NAALAD2: variants seen among roughly 807,000 people sequenced by gnomAD.
NAALAD2 encodes the protein N-acetylated-alpha-linked acidic dipeptidase 2.
A neutral mutation model predicts 95.6 loss-of-function variants in NAALAD2; 89 were observed. The ratio of observed to expected loss-of-function variants is 0.93; its 90% confidence interval spans 0.78 to 1.11. The LOEUF is 1.11. Among genes scored for constraint, NAALAD2 ranks in the 50% least tolerant of loss-of-function variants. The pLI, the probability that NAALAD2 is intolerant of heterozygous loss-of-function variation, is 0.00. For missense variants in NAALAD2, 894 were observed against 872.4 expected, an observed-to-expected ratio of 1.02 and a Z score of -0.31; for synonymous variants, 264 against 294.4, an observed-to-expected ratio of 0.90 and a Z score of 1.06.
rs1171081770 is a variant in NAALAD2, at chr11:90,134,797, C to T, written c.39C>T (p.Cys13=). ...GGGGCCGTCTGTACCTTTGGATGTG[C>T]TTGGCTGCTGCGCTGGCATCTTTCC... The part of the protein sequence containing the change: ...ESRGRLYLWM[C]LAAALASFLM... The change falls in exon 1 of 19, where the codon TGC becomes TGT. Residue 13 remains cysteine, a synonymous_variant. Coordinates refer to ENST00000534061, the MANE Select transcript of NAALAD2 (RefSeq NM_005467.4). 1 of 1,614,158 alleles carries T rather than the reference C, an allele frequency of 6.2e-7. No individual in the cohort carries two copies.
At chr11:90,158,500 T>C (rs1952189367) in intron 7 of NAALAD2, 2 of 312,024 alleles carry the variant, frequency 6.4e-6, no homozygotes, top group Admixed American at 5.3e-5. Context: ...TAATTCTGAT[T>C]TGAGATTTTT....
chr11:90,185,575 G>A (rs1013781719), intron 18 of NAALAD2, among the ~76,000 whole-genome samples: 1 of 152,188 alleles, frequency 6.6e-6, no homozygotes, highest in South Asian at 2.1e-4. Context: ...GGTAAGGCAG[G>A]GGGATTGCTT....
chr11:90,132,608 C>T (rs75244470), upstream of NAALAD2, among the ~76,000 whole-genome samples: 902 of 152,228 alleles, frequency 5.9e-3, 10 homozygotes, highest in African/African-American at 0.021. Context: ...CTGTTAAACA[C>T]TGGAGAGTTA....
intron 8 of NAALAD2, 44 bp from the exon 9 acceptor site, chr11:90,162,905 C>T: frequency 9.3e-7 from 1 of 1,076,232 alleles, no homozygotes; most frequent in African/African-American, 1.6e-5. Context: ...CTGTAAAAAA[C>T]ATAATTTGCT....
At chr11:90,191,436 CTGTCT>C (rs1229121256) in intron 18 of NAALAD2, 117 bp from the exon 19 acceptor site, 2 of 581,842 alleles carry the variant, frequency 3.4e-6, no homozygotes, top group Non-Finnish European at 5.4e-6. Flanking sequence ...CTCAGATCAA[CTGTCT>C]TCTTATTATA....
intron 11 of NAALAD2, among the ~76,000 whole-genome samples, chr11:90,167,334 A>G (rs1208425995): frequency 6.6e-6 from 1 of 152,164 alleles, no homozygotes; most frequent in Non-Finnish European, 1.5e-5. Context: ...CGCCTGGGCC[A>G]GCAGCTGTTG....
At chr11:90,135,071 A>C in intron 1 of NAALAD2, 1 of 518,738 alleles carries the variant, frequency 1.9e-6, no homozygotes, top group East Asian at 3.3e-5. Context: ...ATGTTCACTG[A>C]GTTCACTAAA....
At chr11:90,134,993 A>G in intron 1 of NAALAD2, 153 bp downstream of exon 1, 1 of 711,248 alleles carries the variant, frequency 1.4e-6, no homozygotes, top group Non-Finnish European at 2.4e-6. Flanking sequence ...CAGCAAAACT[A>G]GAAACCAGAT....
intron 4 of NAALAD2, among the ~76,000 whole-genome samples, chr11:90,150,050 A>C (rs972968926): frequency 6.6e-6 from 1 of 152,034 alleles, no homozygotes; most frequent in African/African-American, 2.4e-5. Context: ...TCAGGAGTTC[A>C]AGACCAGACT....
chr11:90,133,965 A>G (rs534503761), upstream of NAALAD2, among the ~76,000 whole-genome samples: 1 of 152,244 alleles, frequency 6.6e-6, no homozygotes, highest in East Asian at 1.9e-4. Context: ...AGAGAGGGGT[A>G]TGGTCAGAGA....
At chr11:90,138,748 T>TTTTTTTTTTTTG (rs1951521273) in intron 2 of NAALAD2, among the ~76,000 whole-genome samples, 1 of 120,218 alleles carries the variant, frequency 8.3e-6, no homozygotes, top group Non-Finnish European at 1.8e-5. Flanking sequence ...TTTTTTTTTT[T>TTTTTTTTTTTTG]TTTTTTTTTT....
intron 2 of NAALAD2, among the ~76,000 whole-genome samples, chr11:90,144,154 AC>A (rs1337638772): frequency 2.0e-5 from 3 of 152,142 alleles, no homozygotes; most frequent in Non-Finnish European, 4.4e-5. Flanking sequence ...GATGACAAGA[AC>A]AGGGATAGAG....
rs1952178206 is a variant in NAALAD2, at chr11:90,158,161, T to C, written c.813T>C (p.Leu271=). 4 of 1,606,826 alleles carry C rather than the reference T, an allele frequency of 2.5e-6. No homozygotes were observed. In the East Asian group the frequency reaches 6.7e-5, roughly 27 times the overall value. ...GYPAKEYTFR[L]DVEEGVGIPR... is the part of the protein sequence containing the mutation. The stretch of plus-strand genomic sequence containing the variant: ...TTTTTTTAGAATACACTTTCAGACT[T>C]GATGTTGAAGAAGGAGTGGGAATCC... The change falls in exon 7 of 19, where the codon CTT becomes CTC. Residue 271 remains leucine, a synonymous_variant. Coordinates refer to ENST00000534061, the MANE Select transcript of NAALAD2 (RefSeq NM_005467.4).
rs115671793 is a variant in NAALAD2, at chr11:90,178,242, C to A, written c.1858+125C>A. On this transcript the variant is annotated intron_variant, in intron 16 of 18. Coordinates refer to ENST00000534061, the MANE Select transcript of NAALAD2 (RefSeq NM_005467.4). Reference sequence around the variant, plus strand: ...ATATTTGCCTTACTTATTTTGACTTCTACACAAAAACTTAAAACAAACACC... The same window carrying A: ...ATATTTGCCTTACTTATTTTGACTTATACACAAAAACTTAAAACAAACACC... 3,312 of 1,125,976 alleles carry A rather than the reference C, an allele frequency of 2.9e-3. 72 individuals carry two copies. The African/African-American group carries it at 0.046, about 16-fold the overall frequency. The allele number at this position is 1,125,976 out of a possible 1,614,324, so 69.7% of individuals were successfully genotyped here. A position where few individuals can be genotyped will look rare whatever the true frequency, so the allele number is the denominator to read the frequency against.
chr11:90,135,361 C>T (rs1951427837), intron 1 of NAALAD2, among the ~76,000 whole-genome samples, 198 bp from the exon 2 acceptor site: 1 of 152,142 alleles, frequency 6.6e-6, no homozygotes, highest in South Asian at 2.1e-4. Context: ...TCCTTTTAAG[C>T]ATCTAAAAAT....
chr11:90,174,203 C>T (rs1236925169), intron 14 of NAALAD2, among the ~76,000 whole-genome samples: 2 of 151,974 alleles, frequency 1.3e-5, no homozygotes, highest in African/African-American at 4.8e-5. Flanking sequence ...TGGTAGCGGG[C>T]ACTTGTAATC....
intron 8 of NAALAD2, 49 bp from the exon 9 acceptor site, chr11:90,162,900 A>ATG: frequency 1.6e-4 from 168 of 1,082,176 alleles, no homozygotes; most frequent in Non-Finnish European, 2.1e-4. Context: ...AAACACTGTA[A>ATG]AAAACATAAT....
At chr11:90,146,449 C>G (rs1951754119) in intron 2 of NAALAD2, among the ~76,000 whole-genome samples, 1 of 140,610 alleles carries the variant, frequency 7.1e-6, no homozygotes, top group Non-Finnish European at 1.5e-5. Context: ...ACCTCCGCCT[C>G]CCAGATTCAA....
At chr11:90,149,570 G>T (rs1418780176) in intron 4 of NAALAD2, among the ~76,000 whole-genome samples, 4 of 152,102 alleles carry the variant, frequency 2.6e-5, no homozygotes, top group Non-Finnish European at 4.4e-5. Context: ...GCGTAGCTGG[G>T]ACCACAGGTG....
Sources: allele counts gnomAD v4.1 joint callset (sites outside exome capture counted in the v4.1 genomes callset), GRCh38; gene constraint gnomAD v4.1.1; transcripts MANE v1.5; gene names NCBI Gene and HGNC (gene_info 2026-07-23, HGNC 2026-07-21).